Variants in CYLD observed in about 807,000 individuals in gnomAD.
The protein encoded by CYLD is CYLD lysine 63 deubiquitinase.
Under a neutral mutation model 104.5 loss-of-function variants are expected in CYLD, and 26 were observed. The observed-to-expected ratio is 0.25, with a 90% CI of 0.18 to 0.35. The LOEUF (loss-of-function observed/expected upper bound fraction) is 0.35, where lower values mean the gene tolerates loss of function less well. Among genes scored for constraint, CYLD ranks in the 10% least tolerant of loss-of-function variants. The probability of loss-of-function intolerance (pLI) is 1.00; values close to 1 mark genes in which losing one functional copy is unlikely to be tolerated. For synonymous variants in CYLD, 385 were observed against 399.9 expected (o/e 0.96, Z 0.45); for missense variants, 703 against 1,136.1 (o/e 0.62, Z 5.48).
At chr16:50,759,763 C>T (rs1967692928) in intron 5 of CYLD, among the ~76,000 whole-genome samples, 1 of 152,122 alleles carries the variant, frequency 6.6e-6, no homozygotes. Flanking sequence ...TTTTTGCCAG[C>T]CTGACAGCTG....
At chr16:50,788,324 A>G (rs1971057236) in intron 14 of CYLD, among the ~76,000 whole-genome samples, 1 of 152,150 alleles carries the variant, frequency 6.6e-6, no homozygotes, top group Admixed American at 6.5e-5. Flanking sequence ...GCCTTGTTTA[A>G]TGTAGTAAAG....
At chr16:50,770,174 G>A (rs567409975) in intron 5 of CYLD, among the ~76,000 whole-genome samples, 11 of 152,222 alleles carry the variant, frequency 7.2e-5, no homozygotes, top group African/African-American at 1.7e-4. Flanking sequence ...GTCCAAGTGC[G>A]TATTCGGTGA....
intron 5 of CYLD, among the ~76,000 whole-genome samples, chr16:50,770,027 T>C (rs1279901126): frequency 6.6e-6 from 1 of 152,232 alleles, no homozygotes; most frequent in African/African-American, 2.4e-5. Context: ...ATTATGGATG[T>C]ATCAGTTTGT....
At chr16:50,789,092 A>G (rs1051236886) in intron 14 of CYLD, among the ~76,000 whole-genome samples, 1 of 152,216 alleles carries the variant, frequency 6.6e-6, no homozygotes, top group African/African-American at 2.4e-5. Flanking sequence ...GATTTCTATT[A>G]TAAGCTACGA....
intron 4 of CYLD, among the ~76,000 whole-genome samples, chr16:50,753,949 A>G (rs1966821277): frequency 6.6e-6 from 1 of 152,220 alleles, no homozygotes; most frequent in African/African-American, 2.4e-5. Flanking sequence ...GAAATAATAT[A>G]TTATTAATGA....
At chr16:50,755,125 ATATATACACACGTGTACATATGTGTG>A (rs1567427127) in intron 5 of CYLD, among the ~76,000 whole-genome samples, 21 of 44,614 alleles carry the variant, frequency 4.7e-4, no homozygotes, top group African/African-American at 8.9e-4. Flanking sequence ...ACACATGTGT[ATATATACACACGTGTACATATGTGTG>A]TATATACACA....
intron 5 of CYLD, among the ~76,000 whole-genome samples, chr16:50,773,835 C>T (rs1354057010): frequency 1.3e-5 from 2 of 152,124 alleles, no homozygotes; most frequent in Non-Finnish European, 2.9e-5. Flanking sequence ...GTTTGTGCCC[C>T]TTTGTCTGTA....
intron 5 of CYLD, among the ~76,000 whole-genome samples, chr16:50,766,334 G>A (rs1968515018): frequency 6.6e-6 from 1 of 152,194 alleles, no homozygotes; most frequent in Non-Finnish European, 1.5e-5. Context: ...AATATTTTAA[G>A]TCTACTGTTG....
chr16:50,763,980 T>A (rs1200453039), intron 5 of CYLD, among the ~76,000 whole-genome samples: 1 of 152,180 alleles, frequency 6.6e-6, no homozygotes, highest in African/African-American at 2.4e-5. Context: ...CAACCCCTTT[T>A]TCTCTATTGA....
intron 5 of CYLD, among the ~76,000 whole-genome samples, chr16:50,772,974 C>G (rs1235467625): frequency 2.0e-5 from 3 of 152,154 alleles, no homozygotes; most frequent in Non-Finnish European, 4.4e-5. Context: ...AATATTTATT[C>G]TGAGCAGGAA....
At position 50,794,498 on chromosome 16, in the gene CYLD, A is replaced by C. The variant is rs1196646160; in HGVS notation, c.2686+70A>C. The C allele has an allele frequency of 7.2e-7, 1 of 1,384,086 alleles. No individual in the cohort carries two copies. Among genetic ancestry groups the C allele is most frequent in the Non-Finnish European group, 1.0e-6 (1 of 972,702 alleles). The allele number at this position is 1,384,086 out of a possible 1,614,324, so 85.7% of individuals were successfully genotyped here. ...TTGTAGTGGGACAGTTTGTAGTGGG[A>C]TCGCCTGTTCTGAGTGATATTTTCT... On this transcript the variant is annotated intron_variant, in intron 18 of 18. Coordinates refer to ENST00000427738, the MANE Select transcript of CYLD (RefSeq NM_001378743.1). This position sits in a 1 kb window ranked among gnomAD's most constrained non-coding sequence, Gnocchi z 4.1.
chr16:50,757,208 G>A (rs755246709), intron 5 of CYLD, among the ~76,000 whole-genome samples: 1 of 151,306 alleles, frequency 6.6e-6, no homozygotes, highest in Non-Finnish European at 1.5e-5. Flanking sequence ...CACTGTTTGC[G>A]CTTCCTGTTT....
At chr16:50,787,609 T>C in intron 13 of CYLD, 177 bp from the exon 14 acceptor site, 1 of 542,224 alleles carries the variant, frequency 1.8e-6, no homozygotes, top group Non-Finnish European at 3.3e-6. Context: ...TTATAACTTA[T>C]TAAATGTCTT....
At chr16:50,777,435 T>C (rs1019532444) in intron 7 of CYLD, among the ~76,000 whole-genome samples, 1 of 152,244 alleles carries the variant, frequency 6.6e-6, no homozygotes, top group Non-Finnish European at 1.5e-5. Flanking sequence ...GATTACCTTC[T>C]TTTAAAATAA....
At position 50,794,554 on chromosome 16, in the gene CYLD, C is replaced by A; in HGVS notation, c.2686+126C>A. On this transcript the variant is annotated intron_variant, in intron 18 of 18. Coordinates refer to ENST00000427738, the MANE Select transcript of CYLD (RefSeq NM_001378743.1). The surrounding 1 kb of genome is among the most constrained non-coding windows in gnomAD (Gnocchi z 4.1). ...AATCCTTTCAGGATTATTCTGGTGA[C>A]AACAGTCTTATATCTTGGATTGCAT... 1 of 912,746 alleles carries A rather than the reference C, an allele frequency of 1.1e-6. No individual in the cohort carries two copies. Among genetic ancestry groups the A allele is most frequent in the Non-Finnish European group, 1.8e-6 (1 of 557,430 alleles). The allele number at this position is 912,746 out of a possible 1,614,324, so 56.5% of individuals were successfully genotyped here.
Position 50,797,764 on chromosome 16 carries a change from T to C in CYLD, c.*1256T>C, listed in dbSNP as rs1392291051. The C allele has an allele frequency of 4.3e-6, 1 of 232,822 alleles. No homozygotes were observed. The highest frequency in any genetic ancestry group is 8.5e-6 in the Non-Finnish European group (1 of 117,722). The allele number at this position is 232,822 out of a possible 1,614,324, so 14.4% of individuals were successfully genotyped here. ...ATCATATGTATATGTCATATGACTT[T>C]ATAAAATATTTAATGTGACAAAAAG... On this transcript the variant is annotated 3_prime_UTR_variant, in exon 19 of 19. Coordinates refer to ENST00000427738, the MANE Select transcript of CYLD (RefSeq NM_001378743.1).
intron 3 of CYLD, among the ~76,000 whole-genome samples, chr16:50,750,816 A>G (rs769756334): frequency 6.6e-6 from 1 of 152,180 alleles, no homozygotes; most frequent in Non-Finnish European, 1.5e-5. Context: ...TTCTTAATGT[A>G]TGTTATTAAA....
chr16:50,784,537 T>G, intron 12 of CYLD, 86 bp downstream of exon 12: 1 of 1,386,070 alleles, frequency 7.2e-7, no homozygotes, highest in South Asian at 1.2e-5. Flanking sequence ...ATACCTTGTC[T>G]TCATGTAATA....
rs1299909929 is a variant in CYLD, at chr16:50,793,712, TA to T, written c.2469+49del. On this transcript the variant is annotated intron_variant, in intron 17 of 18. Coordinates refer to ENST00000427738, the MANE Select transcript of CYLD (RefSeq NM_001378743.1). ...GATAAACTTTTGTTGAACAGTAACTTATTTATAGTTGAAAACACAATGCTCG... is the reference window on the plus strand; with the variant it reads ...GATAAACTTTTGTTGAACAGTAACTTTTTATAGTTGAAAACACAATGCTCG... 3.4e-6 allele frequency: 4 copies of T among 1,174,660 alleles called. No individual in the cohort carries two copies. The African/African-American group carries it at 6.0e-5, about 18-fold the overall frequency. The allele number at this position is 1,174,660 out of a possible 1,614,324, so 72.8% of individuals were successfully genotyped here.
Sources: gnomAD v4.1 joint callset for allele counts (sites outside exome capture counted in the v4.1 genomes callset) on GRCh38, gnomAD v4.1.1 for gene constraint, Gnocchi (gnomAD v3.1) non-coding constraint, MANE v1.5 for transcripts, NCBI Gene and HGNC (gene_info 2026-07-23, HGNC 2026-07-21) for gene names.